The following RTL4 variants were observed in gnomAD, a reference collection of about 807,000 sequenced individuals.
RTL4 encodes retrotransposon Gag-like protein 4.
RTL4 carries 4 observed loss-of-function variants against 5.3 expected under a neutral mutation model. That is an observed-to-expected ratio of 0.75 (90% CI 0.37 to 1.72). The LOEUF (loss-of-function observed/expected upper bound fraction) is 1.72, where lower values mean the gene tolerates loss of function less well. RTL4 is among the 40% of genes most tolerant of loss of function. The pLI is 0.04. For synonymous variants in RTL4, 98 were observed against 87.3 expected (o/e 1.12, Z -0.68); for missense variants, 260 against 227.1 (o/e 1.14, Z -0.93).
At chrX:112,199,327 GCTTTA>G in the RTL4 span, among the ~76,000 whole-genome samples, 1 of 108,681 alleles carries the variant, frequency 9.2e-6, no homozygotes, top group Non-Finnish European at 1.9e-5. Flanking sequence ...GCAGAAAAGT[GCTTTA>G]CCTGTGTAAG....
chrX:112,213,253 T>G, the RTL4 span, among the ~76,000 whole-genome samples: 2 of 113,007 alleles, frequency 1.8e-5, no homozygotes, highest in African/African-American at 6.4e-5. Flanking sequence ...TGTTGTTGGC[T>G]CTTCATGATT....
the RTL4 span, among the ~76,000 whole-genome samples, chrX:112,254,251 G>A: frequency 9.0e-6 from 1 of 111,452 alleles, no homozygotes. Flanking sequence ...AGATGTGAAA[G>A]ACAACTCCTT....
At chrX:112,427,758 T>G in the RTL4 span, among the ~76,000 whole-genome samples, 2 of 111,492 alleles carry the variant, frequency 1.8e-5, no homozygotes, top group African/African-American at 3.2e-5. Context: ...GTGTTTTAAT[T>G]TTTTTATTTT....
chrX:112,393,147 C>CTTTTTTTTTTT, the RTL4 span, among the ~76,000 whole-genome samples: 1 of 81,488 alleles, frequency 1.2e-5, no homozygotes, highest in Non-Finnish European at 2.3e-5. Flanking sequence ...TTCTTTCTTT[C>CTTTTTTTTTTT]TTTTTTTTTT....
At chrX:112,193,891 C>A in the RTL4 span, among the ~76,000 whole-genome samples, 1 of 112,338 alleles carries the variant, frequency 8.9e-6, no homozygotes, top group Non-Finnish European at 1.9e-5. Context: ...GCAGGACACT[C>A]ATTGAGAATA....
chrX:112,303,793 A>G, the RTL4 span, among the ~76,000 whole-genome samples: 4 of 110,352 alleles, frequency 3.6e-5, no homozygotes, highest in East Asian at 1.1e-3. Context: ...GAATTTAAAA[A>G]AAAAAGAATT....
the RTL4 span, among the ~76,000 whole-genome samples, chrX:112,160,067 C>G: frequency 3.6e-5 from 4 of 111,532 alleles, no homozygotes; most frequent in Non-Finnish European, 5.6e-5. Flanking sequence ...TGTTGTTTGT[C>G]TTATGTCCCC....
chrX:112,381,905 G>A, the RTL4 span: 8 of 1,209,681 alleles, frequency 6.6e-6, no homozygotes, highest in Non-Finnish European at 9.0e-6. Flanking sequence ...AAAAAGAAGA[G>A]AGCTTAATAT....
At chrX:112,440,701 G>A in the RTL4 span, among the ~76,000 whole-genome samples, 1 of 111,599 alleles carries the variant, frequency 9.0e-6, no homozygotes, top group Non-Finnish European at 1.9e-5. Context: ...TAGGAGCTTT[G>A]CTTTCTGTCT....
the RTL4 span, among the ~76,000 whole-genome samples, chrX:112,374,006 T>C: frequency 2.2e-4 from 24 of 111,546 alleles, no homozygotes; most frequent in African/African-American, 7.5e-4. Flanking sequence ...TGTTGATGCA[T>C]GCTCTTCCTA....
chrX:112,132,395 C>T, the RTL4 span, among the ~76,000 whole-genome samples: 1 of 111,282 alleles, frequency 9.0e-6, no homozygotes, highest in African/African-American at 3.3e-5. Context: ...TCTGATCTCA[C>T]AAAGGGCATA....
At chrX:112,196,346 G>A in the RTL4 span, among the ~76,000 whole-genome samples, 5 of 111,251 alleles carry the variant, frequency 4.5e-5, no homozygotes, top group Non-Finnish European at 7.5e-5. Flanking sequence ...GTAGTAGTCC[G>A]TGGTATGAAT....
At chrX:112,357,997 A>T in the RTL4 span, among the ~76,000 whole-genome samples, 1 of 112,030 alleles carries the variant, frequency 8.9e-6, no homozygotes, top group Non-Finnish European at 1.9e-5. Context: ...AATACTATTG[A>T]GATACCTTGA....
the RTL4 span, among the ~76,000 whole-genome samples, chrX:112,419,052 A>G: frequency 6.9e-5 from 5 of 72,036 alleles, no homozygotes; most frequent in African/African-American, 2.4e-4. Flanking sequence ...ATATATATAT[A>G]TATCTTATAT....
the RTL4 span, among the ~76,000 whole-genome samples, chrX:112,365,686 C>T: frequency 9.0e-6 from 1 of 111,638 alleles, no homozygotes; most frequent in African/African-American, 3.2e-5. Context: ...ACTTGAATGC[C>T]TCTGATTCTT....
chrX:112,297,607 A>G, the RTL4 span, among the ~76,000 whole-genome samples: 2 of 111,285 alleles, frequency 1.8e-5, no homozygotes, highest in African/African-American at 6.5e-5. Context: ...TCAGAATCAC[A>G]ATTCAGCATG....
At chrX:112,241,328 A>C in the RTL4 span, among the ~76,000 whole-genome samples, 3 of 111,248 alleles carry the variant, frequency 2.7e-5, no homozygotes, top group South Asian at 1.1e-3. Context: ...AAGTGTTCCT[A>C]TTTCTCCACA....
chrX:112,273,780 T>C, the RTL4 span, among the ~76,000 whole-genome samples: 2 of 111,460 alleles, frequency 1.8e-5, no homozygotes, highest in African/African-American at 6.5e-5. Flanking sequence ...GCAAGTAACT[T>C]AACCTTTCTG....
chrX:112,114,466 T>C, the RTL4 span, among the ~76,000 whole-genome samples: 1 of 112,082 alleles, frequency 8.9e-6, no homozygotes, highest in South Asian at 3.7e-4. Context: ...CATCTCTCCA[T>C]GTGAGGTCGA....
Sources: gnomAD v4.1 joint callset for allele counts (sites outside exome capture counted in the v4.1 genomes callset) on GRCh38, gnomAD v4.1.1 for gene constraint, MANE v1.5 for transcripts, NCBI Gene and HGNC (gene_info 2026-07-23, HGNC 2026-07-21) for gene names.